KSR2: variants seen among roughly 807,000 people sequenced by gnomAD.
KSR2 encodes kinase suppressor of ras 2.
KSR2 carries 25 observed loss-of-function variants against 107.8 expected under a neutral mutation model. The observed-to-expected ratio is 0.23, with a 90% CI of 0.17 to 0.32. KSR2 has a LOEUF of 0.32. KSR2 is among the 10% of genes least tolerant of loss of function. The pLI is 1.00. For synonymous variants in KSR2, 480 were observed against 507.0 expected (o/e 0.95, Z 0.71); for missense variants, 887 against 1,268.9 (o/e 0.70, Z 4.57).
At position 117,968,311 on chromosome 12, in the gene KSR2, G is replaced by GGGA; in HGVS notation, c.-57_-56insTCC. 1 of 1,456,372 alleles carries GGGA rather than the reference G, an allele frequency of 6.9e-7. No homozygotes were observed. The highest frequency in any genetic ancestry group is 9.0e-7 in the Non-Finnish European group (1 of 1,111,974). The allele number at this position is 1,456,372 out of a possible 1,614,324, so 90.2% of individuals were successfully genotyped here. On this transcript the variant is annotated 5_prime_UTR_variant, in exon 1 of 20. Coordinates refer to ENST00000339824, the MANE Select transcript of KSR2 (RefSeq NM_173598.6). ...CTCCTCCCAGAGAGAAAAAAGAGGG[G>GGGA]GGGGAGTAGAGGTAGTCTACCCTCC...
chr12:117,471,071 T>G (rs1241460260), intron 18 of KSR2, 120 bp downstream of exon 18: 1 of 1,235,902 alleles, frequency 8.1e-7, no homozygotes, highest in African/African-American at 1.5e-5. Context: ...TTGGAATGCA[T>G]ATTTTTTTGG....
chr12:117,494,133 T>A (rs942509703), intron 14 of KSR2, among the ~76,000 whole-genome samples: 1 of 152,202 alleles, frequency 6.6e-6, no homozygotes, highest in Non-Finnish European at 1.5e-5. Context: ...CTGCTTCCCA[T>A]GGCCAGACCT....
Position 117,555,211 on chromosome 12 carries a change from C to G in KSR2, c.1476G>C (p.Leu492=). The G allele has an allele frequency of 3.7e-6, 6 of 1,613,942 alleles. No homozygotes were observed. The highest frequency in any genetic ancestry group is 1.1e-5 in the South Asian group (1 of 91,058). Residue 492 remains leucine, a synonymous_variant, in exon 9 of 20, where the codon CTG becomes CTC. Transcript: ENST00000339824. ...PLRKPPRYSD[L]HISQTLPKTN... ...TTTTGGGGAGCGTCTGACTGATGTGCAGGTCTGAATAGCGAGGTGGCTTCC... is the reference window on the plus strand; with the variant it reads ...TTTTGGGGAGCGTCTGACTGATGTGGAGGTCTGAATAGCGAGGTGGCTTCC...
intron 5 of KSR2, among the ~76,000 whole-genome samples, chr12:117,640,825 A>G (rs1158811507): frequency 6.6e-6 from 1 of 152,058 alleles, no homozygotes; most frequent in African/African-American, 2.4e-5. Flanking sequence ...TGAGGTTATC[A>G]CTCGAACACA....
rs78321888 is a variant in KSR2 at position 117,640,977 on chromosome 12, T to C, written c.1171+26497A>G. Among the ~76,000 whole-genome samples the C allele has an allele frequency of 3.6e-4, 54 of 152,056 alleles. 1 individual carries two copies. In the East Asian group the frequency reaches 0.01, roughly 29 times the overall value. On this transcript the variant is annotated intron_variant, in intron 5 of 19. Coordinates refer to ENST00000339824, the MANE Select transcript of KSR2 (RefSeq NM_173598.6). ...ACTTGCTGAGTCAAGGCTGAAGACA[T>C]GCCCCTGATAGACACTGTGTTAGTC...
intron 1 of KSR2, among the ~76,000 whole-genome samples, chr12:117,967,093 G>A (rs531785280): frequency 6.6e-6 from 1 of 152,336 alleles, no homozygotes; most frequent in Admixed American, 6.5e-5. Flanking sequence ...CAGATGTCCA[G>A]TGATCTCGTG....
chr12:117,921,317 A>G (rs1280215758), intron 1 of KSR2, among the ~76,000 whole-genome samples: 1 of 152,246 alleles, frequency 6.6e-6, no homozygotes, highest in Non-Finnish European at 1.5e-5. Context: ...CCATGGTGGC[A>G]TATATACTTA....
At chr12:117,641,083 G>T (rs935350435) in intron 5 of KSR2, among the ~76,000 whole-genome samples, 1 of 152,090 alleles carries the variant, frequency 6.6e-6, no homozygotes, top group African/African-American at 2.4e-5. Context: ...TTTGAAAGCT[G>T]TAAGGTTTTT....
intron 3 of KSR2, among the ~76,000 whole-genome samples, chr12:117,810,784 G>T (rs890954511): frequency 6.6e-6 from 1 of 152,054 alleles, no homozygotes; most frequent in Non-Finnish European, 1.5e-5. Context: ...GTTTTGTTTT[G>T]TTTTGTTTTG....
In KSR2 at chr12:117,555,894, C is replaced by A. The variant is rs559093629; in HGVS notation, c.1394-601G>T. Among the ~76,000 whole-genome samples the A allele has an allele frequency of 8.0e-4, 122 of 152,280 alleles. 3 individuals are homozygous for A. Among genetic ancestry groups the A allele is most frequent in the Non-Finnish European group, 3.7e-4 (25 of 68,016 alleles). ...CTTCTATTACTCACAGGGAACACAG[C>A]AAGGGGCAAAAATGAGAAGCTCAAA... On this transcript the variant is annotated intron_variant, in intron 8 of 19. Transcript: ENST00000339824.
chr12:117,825,181 A>G (rs1454315646), intron 3 of KSR2, among the ~76,000 whole-genome samples: 1 of 152,150 alleles, frequency 6.6e-6, no homozygotes, highest in Non-Finnish European at 1.5e-5. Flanking sequence ...CTCCATCTCA[A>G]AACGAAACAA....
At chr12:117,770,570 C>T (rs2136908686) in intron 3 of KSR2, among the ~76,000 whole-genome samples, 1 of 152,070 alleles carries the variant, frequency 6.6e-6, no homozygotes, top group South Asian at 2.1e-4. Flanking sequence ...TTGCTGGACA[C>T]TGACTGGGGG....
intron 4 of KSR2, among the ~76,000 whole-genome samples, chr12:117,700,901 C>A (rs1015956874): frequency 2.0e-5 from 3 of 152,144 alleles, no homozygotes; most frequent in African/African-American, 7.2e-5. Context: ...AAAGGAACTC[C>A]CATTGTATTT....
At chr12:117,733,707 C>T (rs946684918) in intron 4 of KSR2, among the ~76,000 whole-genome samples, 1 of 152,086 alleles carries the variant, frequency 6.6e-6, no homozygotes. Flanking sequence ...GTTTTAGGTG[C>T]CCGAATCTTA....
At chr12:117,731,237 G>A (rs1419278202) in intron 4 of KSR2, among the ~76,000 whole-genome samples, 2 of 142,336 alleles carry the variant, frequency 1.4e-5, no homozygotes, top group South Asian at 2.3e-4. Flanking sequence ...CTGCCCAGCC[G>A]CCCCGTCTGG....
At chr12:117,825,985 AGGTGGGTGGATG>A (rs1241819739) in intron 3 of KSR2, among the ~76,000 whole-genome samples, 28 of 131,354 alleles carry the variant, frequency 2.1e-4, no homozygotes, top group Non-Finnish European at 3.8e-4. Flanking sequence ...GTGGGTGAAC[AGGTGGGTGGATG>A]GGTGGGTGGA....
intron 4 of KSR2, among the ~76,000 whole-genome samples, chr12:117,705,582 C>G (rs1005784674): frequency 2.0e-5 from 3 of 152,210 alleles, no homozygotes; most frequent in African/African-American, 2.4e-5. Flanking sequence ...GGCTTGACAT[C>G]GAACAGCTGA....
chr12:117,629,905 A>T (rs1285047303), intron 5 of KSR2, among the ~76,000 whole-genome samples: 3 of 152,218 alleles, frequency 2.0e-5, no homozygotes, highest in Non-Finnish European at 4.4e-5. Context: ...GTCTACTCCC[A>T]TCATTCAACC....
intron 6 of KSR2, among the ~76,000 whole-genome samples, chr12:117,580,756 C>A (rs560856343): frequency 6.6e-6 from 1 of 152,306 alleles, no homozygotes; most frequent in East Asian, 1.9e-4. Flanking sequence ...ATCTTAGGGA[C>A]TACCAGAGAG....
Sources: gnomAD v4.1 joint callset for allele counts (sites outside exome capture counted in the v4.1 genomes callset) on GRCh38, gnomAD v4.1.1 for gene constraint, MANE v1.5 for transcripts, NCBI Gene and HGNC (gene_info 2026-07-23, HGNC 2026-07-21) for gene names.